GSTCD: variants seen among roughly 807,000 people sequenced by gnomAD.
GSTCD encodes the protein glutathione S-transferase C-terminal domain-containing protein.
A neutral mutation model predicts 68.3 loss-of-function variants in GSTCD; 44 were observed. The ratio of observed to expected loss-of-function variants is 0.64; its 90% CI spans 0.51 to 0.83. The LOEUF (loss-of-function observed/expected upper bound fraction) is 0.83. GSTCD is among the 40% of genes least tolerant of loss of function. The probability of loss-of-function intolerance (pLI) is 0.00; values close to 1 mark genes in which losing one functional copy is unlikely to be tolerated. For missense variants in GSTCD, 739 were observed against 735.9 expected, an observed-to-expected ratio of 1.00 and a Z score of -0.05; for synonymous variants, 273 against 255.2, an observed-to-expected ratio of 1.07 and a Z score of -0.67.
At chr4:105,784,819 G>A (rs1297854223) in intron 5 of GSTCD, among the ~76,000 whole-genome samples, 2 of 151,730 alleles carry the variant, frequency 1.3e-5, no homozygotes, top group Non-Finnish European at 1.5e-5. Context: ...CCCACATTTG[G>A]CCAGTAAAAG....
chr4:105,728,686 G>GATATAGATATAGATATAGATATAGAT (rs1560798005), intron 4 of GSTCD, among the ~76,000 whole-genome samples: 2 of 40,770 alleles, frequency 4.9e-5, no homozygotes, highest in Non-Finnish European at 1.0e-4. Flanking sequence ...TAGATATATA[G>GATATAGATATAGATATAGATATAGAT]ATATAGATAT....
chr4:105,731,062 A>T (rs1733221526), intron 5 of GSTCD, among the ~76,000 whole-genome samples: 1 of 152,080 alleles, frequency 6.6e-6, no homozygotes, highest in Admixed American at 6.5e-5. Flanking sequence ...ATTATTTCTG[A>T]GGGCTCTGTT....
At chr4:105,730,206 T>C (rs370142710) in intron 5 of GSTCD, among the ~76,000 whole-genome samples, 1 of 152,228 alleles carries the variant, frequency 6.6e-6, no homozygotes, top group Non-Finnish European at 1.5e-5. Flanking sequence ...TGAACATACA[T>C]GTGCTTGTGT....
intron 10 of GSTCD, among the ~76,000 whole-genome samples, chr4:105,839,603 C>T (rs868553695): frequency 6.6e-6 from 1 of 152,014 alleles, no homozygotes; most frequent in South Asian, 2.1e-4. Context: ...CCATTGCATT[C>T]CCATTTCAGC....
intron 3 of GSTCD, 126 bp downstream of exon 3, chr4:105,719,653 A>G (rs189241113): frequency 2.9e-6 from 2 of 686,982 alleles, no homozygotes; most frequent in East Asian, 2.7e-5. Flanking sequence ...ATCTTTCTCC[A>G]TTTTCTTATC....
chr4:105,730,213 G>T (rs1733184650), intron 5 of GSTCD, among the ~76,000 whole-genome samples: 1 of 152,202 alleles, frequency 6.6e-6, no homozygotes, highest in Admixed American at 6.5e-5. Context: ...ACATGTGCTT[G>T]TGTCTTTATA....
At chr4:105,727,670 G>T (rs1733086588) in intron 4 of GSTCD, among the ~76,000 whole-genome samples, 1 of 150,894 alleles carries the variant, frequency 6.6e-6, no homozygotes. Context: ...AAGCCTGGGT[G>T]ACAGAGTGAA....
chr4:105,765,249 T>C (rs1404427877), intron 5 of GSTCD, among the ~76,000 whole-genome samples: 2 of 152,188 alleles, frequency 1.3e-5, no homozygotes, highest in Non-Finnish European at 2.9e-5. Flanking sequence ...CACCAAAAAT[T>C]TGAAAAACTG....
chr4:105,729,977 A>C lies in GSTCD; in HGVS notation c.1240+478A>C, dbSNP rs144354444. Reference sequence around the variant, plus strand: ...TCTCATTGTTCACTTCTCACCTATGAGTGAGAACATGCGGTGTTTGCTTTT... The same window carrying C: ...TCTCATTGTTCACTTCTCACCTATGCGTGAGAACATGCGGTGTTTGCTTTT... On this transcript the variant is annotated intron_variant, in intron 5 of 11. Transcript: ENST00000515279. Among the ~76,000 whole-genome samples, 114 of 152,062 alleles carry C rather than the reference A, an allele frequency of 7.5e-4. 2 individuals carry two copies. In the East Asian group the frequency reaches 0.022, roughly 29 times the overall value.
chr4:105,798,059 T>C (rs527281331), intron 5 of GSTCD, among the ~76,000 whole-genome samples: 1 of 152,258 alleles, frequency 6.6e-6, no homozygotes, highest in African/African-American at 2.4e-5. Context: ...GTTTATATAG[T>C]GTTCTAAGTC....
chr4:105,713,860 G>A (rs1180305328), intron 1 of GSTCD, among the ~76,000 whole-genome samples: 1 of 151,390 alleles, frequency 6.6e-6, no homozygotes, highest in African/African-American at 2.4e-5. Flanking sequence ...ATAATGTTAT[G>A]TATACATAAT....
At chr4:105,723,269 G>A (rs1164536087) in intron 3 of GSTCD, among the ~76,000 whole-genome samples, 2 of 151,766 alleles carry the variant, frequency 1.3e-5, no homozygotes, top group Non-Finnish European at 2.9e-5. Flanking sequence ...GGCTCTCAGG[G>A]TACCTTAGAG....
intron 5 of GSTCD, among the ~76,000 whole-genome samples, chr4:105,734,760 T>G (rs1733396175): frequency 6.6e-6 from 1 of 152,188 alleles, no homozygotes; most frequent in Admixed American, 6.5e-5. Context: ...GGTGCTCTGA[T>G]TTTTAGAATT....
intron 9 of GSTCD, among the ~76,000 whole-genome samples, chr4:105,836,340 G>T (rs1485369777): frequency 6.6e-6 from 1 of 152,204 alleles, no homozygotes; most frequent in Non-Finnish European, 1.5e-5. Flanking sequence ...GTGGCCATGG[G>T]TGGGCCTGGA....
At chr4:105,740,665 A>G (rs1434297217) in intron 5 of GSTCD, among the ~76,000 whole-genome samples, 1 of 152,068 alleles carries the variant, frequency 6.6e-6, no homozygotes, top group African/African-American at 2.4e-5. Flanking sequence ...ACCTTTTATC[A>G]TCTTCCTTTG....
At chr4:105,730,773 T>C (rs527510387) in intron 5 of GSTCD, among the ~76,000 whole-genome samples, 3 of 152,320 alleles carry the variant, frequency 2.0e-5, no homozygotes, top group African/African-American at 7.2e-5. Flanking sequence ...AATTTTGGCT[T>C]TTGTTCCCAT....
intron 5 of GSTCD, among the ~76,000 whole-genome samples, chr4:105,769,847 C>T (rs1734773205): frequency 6.6e-6 from 1 of 152,120 alleles, no homozygotes; most frequent in African/African-American, 2.4e-5. Context: ...CCTCAATCTC[C>T]TGGGCTGAAG....
chr4:105,841,998 T>C (rs982528963), intron 10 of GSTCD, 67 bp from the exon 11 acceptor site: 2 of 1,176,564 alleles, frequency 1.7e-6, no homozygotes, highest in African/African-American at 3.0e-5. Context: ...GTTTTTTTGG[T>C]GGTTGTTTTT....
At chr4:105,827,392 A>G (rs894984354) in intron 8 of GSTCD, among the ~76,000 whole-genome samples, 1 of 152,204 alleles carries the variant, frequency 6.6e-6, no homozygotes, top group African/African-American at 2.4e-5. Context: ...CTAAAAATGT[A>G]TATATCTCTT....
Sources: gnomAD v4.1 joint callset for allele counts (sites outside exome capture counted in the v4.1 genomes callset) on GRCh38, gnomAD v4.1.1 for gene constraint, MANE v1.5 for transcripts, NCBI Gene and HGNC (gene_info 2026-07-23, HGNC 2026-07-21) for gene names.